The following ANOS1 variants were observed in gnomAD, a reference collection of about 807,000 sequenced individuals.
The protein encoded by ANOS1 is anosmin 1, also known as anosmin-1.
ANOS1 carries 6 observed loss-of-function variants against 59.0 expected under a neutral mutation model. The observed-to-expected ratio is 0.10, with a 90% CI of 0.06 to 0.20. The LOEUF is 0.20. ANOS1 is among the 10% of genes least tolerant of loss of function. The probability of loss-of-function intolerance (pLI) is 1.00; values close to 1 mark genes in which losing one functional copy is unlikely to be tolerated. For synonymous variants in ANOS1, 217 were observed against 223.4 expected (o/e 0.97, Z 0.25); for missense variants, 433 against 542.3 (o/e 0.80, Z 2.00).
chrX:8,641,054 C>A (rs1931656680), intron 2 of ANOS1, among the ~76,000 whole-genome samples: 1 of 112,038 alleles, frequency 8.9e-6, no homozygotes, highest in African/African-American at 3.2e-5. Context: ...AAGAATAAGC[C>A]TTTTAAAATG....
intron 3 of ANOS1, among the ~76,000 whole-genome samples, chrX:8,619,070 CAAAAAAAAAAAAAAAAAA>C (rs1164164251): frequency 2.3e-5 from 1 of 43,974 alleles, no homozygotes; most frequent in East Asian, 1.3e-3. Context: ...AAACCTCTCT[CAAAAAAAAAAAAAAAAAA>C]AAAAAAAAAA....
At position 8,711,523 on chromosome X, in the gene ANOS1, T is replaced by C. The variant is rs868692811; in HGVS notation, c.208-11778A>G. Among the ~76,000 whole-genome samples the C allele has an allele frequency of 2.7e-4, 31 of 112,786 alleles. No homozygotes were observed. In the Middle Eastern group the frequency reaches 0.018, roughly 66 times the overall value. On this transcript the variant is annotated intron_variant, in intron 1 of 13. Transcript: ENST00000262648. ...TCTCAAATGAGATGAATAATGTCTT[T>C]ACAAGATAATCACAGAGATGTCTAT... is the stretch of plus-strand genomic sequence containing the variant.
At chrX:8,688,496 C>T (rs759481867) in intron 2 of ANOS1, among the ~76,000 whole-genome samples, 1 of 112,424 alleles carries the variant, frequency 8.9e-6, no homozygotes, top group Non-Finnish European at 1.9e-5. Context: ...TTATGGAACT[C>T]GTCTTCAACT....
At chrX:8,575,831 T>G (rs925531654) in intron 6 of ANOS1, among the ~76,000 whole-genome samples, 1 of 111,480 alleles carries the variant, frequency 9.0e-6, no homozygotes, top group African/African-American at 3.3e-5. Flanking sequence ...AGGTCAGACA[T>G]GGTGACCCAC....
At chrX:8,674,809 G>A (rs1032794904) in intron 2 of ANOS1, among the ~76,000 whole-genome samples, 1 of 112,057 alleles carries the variant, frequency 8.9e-6, no homozygotes, top group Admixed American at 9.5e-5. Context: ...TGTGAAATTC[G>A]TAATTCACAC....
chrX:8,554,322 C>T (rs747367614), intron 8 of ANOS1, among the ~76,000 whole-genome samples: 23 of 111,160 alleles, frequency 2.1e-4, no homozygotes, highest in Admixed American at 8.6e-4. Context: ...TGGGGCGTTG[C>T]CTCACCCAGG....
chrX:8,672,697 C>G (rs2146881450), intron 2 of ANOS1, among the ~76,000 whole-genome samples: 1 of 111,655 alleles, frequency 9.0e-6, no homozygotes, highest in Non-Finnish European at 1.9e-5. Context: ...AAGGGACTCA[C>G]GAATCTGTTA....
chrX:8,588,700 G>C (rs1422744831), intron 4 of ANOS1, among the ~76,000 whole-genome samples: 1 of 112,456 alleles, frequency 8.9e-6, no homozygotes, highest in African/African-American at 3.2e-5. Flanking sequence ...TTTTAAAGTA[G>C]TTAATCATTC....
intron 2 of ANOS1, among the ~76,000 whole-genome samples, chrX:8,682,914 G>A (rs1307909748): frequency 1.8e-5 from 2 of 111,606 alleles, no homozygotes; most frequent in East Asian, 5.6e-4. Context: ...GTAGGTTAGG[G>A]CTACCACGGA....
At position 8,646,992 on chromosome X, in the gene ANOS1, G is replaced by A. The variant is rs1262943086; in HGVS notation, c.256-23322C>T. Among the ~76,000 whole-genome samples, 3 of 107,667 alleles carry A rather than the reference G, an allele frequency of 2.8e-5. No individual in the cohort carries two copies. The East Asian group carries it at 8.7e-4, about 31-fold the overall frequency. The allele number at this position is 107,667 out of a possible 115,157, so 93.5% of individuals were successfully genotyped here. A position where few individuals can be genotyped will look rare whatever the true frequency, so the allele number is the denominator to read the frequency against. On this transcript the variant is annotated intron_variant, in intron 2 of 13. Transcript: ENST00000262648. ...GCACTTGCATGCTACCAATGAGATCGAGGTGGAGGGTCCGATCCTTGTCTA... is the reference window on the plus strand; with the variant it reads ...GCACTTGCATGCTACCAATGAGATCAAGGTGGAGGGTCCGATCCTTGTCTA...
chrX:8,576,491 T>TACACACACAC (rs769843705), intron 6 of ANOS1, among the ~76,000 whole-genome samples: 52 of 93,469 alleles, frequency 5.6e-4, no homozygotes, highest in Admixed American at 1.8e-3. Flanking sequence ...CACACACACA[T>TACACACACAC]ACACACACAC....
At chrX:8,676,793 A>C (rs776538303) in intron 2 of ANOS1, among the ~76,000 whole-genome samples, 1 of 111,997 alleles carries the variant, frequency 8.9e-6, no homozygotes, top group East Asian at 2.8e-4. Context: ...TTTATGACAA[A>C]CCATTTGTCG....
Position 8,623,597 on chromosome X carries a change from C to G in ANOS1, c.318+11G>C. The stretch of plus-strand genomic sequence containing the variant: ...GGTCAAGTGTTTTAAGTACCACTGA[C>G]GTTCTCCTACCTCACAAAAGCTTTG... On this transcript the variant is annotated intron_variant, in intron 3 of 13. Transcript: ENST00000262648. 3 of 1,189,057 alleles carry G rather than the reference C, an allele frequency of 2.5e-6. No homozygotes were observed. The highest frequency in any genetic ancestry group is 3.4e-6 in the Non-Finnish European group (3 of 875,087).
intron 2 of ANOS1, among the ~76,000 whole-genome samples, chrX:8,645,734 A>G (rs1266185334): frequency 9.0e-6 from 1 of 111,432 alleles, no homozygotes; most frequent in East Asian, 2.8e-4. Context: ...CGATTCTCCC[A>G]CCTCAGCCTT....
chrX:8,684,661 G>A (rs937933283), intron 2 of ANOS1, among the ~76,000 whole-genome samples: 14 of 98,278 alleles, frequency 1.4e-4, no homozygotes, highest in African/African-American at 5.3e-4. Context: ...CCCACCCCCC[G>A]CCTTCCCCGA....
intron 1 of ANOS1, among the ~76,000 whole-genome samples, chrX:8,729,914 T>C (rs1932956622): frequency 9.0e-6 from 1 of 110,546 alleles, no homozygotes; most frequent in African/African-American, 3.3e-5. Context: ...AACACAGCAC[T>C]TATTAAGTCT....
intron 1 of ANOS1, among the ~76,000 whole-genome samples, chrX:8,727,481 G>A (rs1425059807): frequency 8.9e-6 from 1 of 112,412 alleles, no homozygotes; most frequent in Non-Finnish European, 1.9e-5. Flanking sequence ...TGGCCAGCAC[G>A]ATTCTGAGAC....
At chrX:8,688,706 C>T (rs778126584) in intron 2 of ANOS1, among the ~76,000 whole-genome samples, 2 of 112,140 alleles carry the variant, frequency 1.8e-5, no homozygotes, top group African/African-American at 6.5e-5. Flanking sequence ...GAGCTATTAA[C>T]TTGTCACATA....
In ANOS1 at chrX:8,656,205, T is replaced by C. The variant is rs1371775901; in HGVS notation, c.256-32535A>G. Among the ~76,000 whole-genome samples, 3 of 112,604 alleles carry C rather than the reference T, an allele frequency of 2.7e-5. No individual in the cohort carries two copies. The Admixed American group carries it at 2.8e-4, about 11-fold the overall frequency. On this transcript the variant is annotated intron_variant, in intron 2 of 13. Coordinates refer to ENST00000262648, the MANE Select transcript of ANOS1 (RefSeq NM_000216.4). The stretch of plus-strand genomic sequence containing the variant: ...TCTGCATTCCCGCAAATGTGTCAAA[T>C]TGGGAGAAAATCCTTCCTCATATCA...
Sources: gnomAD v4.1 joint callset for allele counts (sites outside exome capture counted in the v4.1 genomes callset) on GRCh38, gnomAD v4.1.1 for gene constraint, MANE v1.5 for transcripts, NCBI Gene and HGNC (gene_info 2026-07-23, HGNC 2026-07-21) for gene names.